RBM20: variants seen among roughly 807,000 people sequenced by gnomAD.
RBM20 encodes RNA-binding protein 20.
RBM20 carries 51 observed loss-of-function variants against 110.1 expected under a neutral mutation model. The observed-to-expected ratio is 0.46, with a 90% CI of 0.37 to 0.59. RBM20 has a LOEUF of 0.59. Ranked by LOEUF, RBM20 falls within the 20% of genes least tolerant of loss-of-function variation. The probability of loss-of-function intolerance (pLI) is 0.00; values close to 1 mark genes in which losing one functional copy is unlikely to be tolerated. For missense variants in RBM20, 1,512 were observed against 1,574.9 expected (o/e 0.96, Z 0.68); for synonymous variants, 589 against 618.2 (o/e 0.95, Z 0.70).
At chr10:110,663,238 G>A (rs559408989) in intron 1 of RBM20, among the ~76,000 whole-genome samples, 10 of 152,088 alleles carry the variant, frequency 6.6e-5, no homozygotes, top group East Asian at 1.9e-4. Context: ...GATTACAGGC[G>A]TGAGCCACCA....
At chr10:110,784,973 C>A in intron 5 of RBM20, 84 bp downstream of exon 5, 1 of 899,830 alleles carries the variant, frequency 1.1e-6, no homozygotes. Flanking sequence ...GACAGCCAGG[C>A]TGGAATGCAA....
intron 1 of RBM20, among the ~76,000 whole-genome samples, chr10:110,650,235 C>T (rs1194010106): frequency 2.0e-5 from 3 of 152,134 alleles, no homozygotes; most frequent in Admixed American, 1.3e-4. Flanking sequence ...CTCTTTACCG[C>T]GGTGGAAGTT....
chr10:110,709,032 TC>T (rs1590629432), intron 1 of RBM20, among the ~76,000 whole-genome samples: 1 of 152,048 alleles, frequency 6.6e-6, no homozygotes, highest in East Asian at 1.9e-4. Context: ...TCTTTGTTTC[TC>T]ATTTCTTTTT....
At chr10:110,666,406 G>T (rs950768055) in intron 1 of RBM20, among the ~76,000 whole-genome samples, 2 of 152,156 alleles carry the variant, frequency 1.3e-5, no homozygotes, top group African/African-American at 4.8e-5. Flanking sequence ...ACTTTGGGAG[G>T]CTGAGGCAGG....
At chr10:110,758,276 C>T (rs924844587) in intron 1 of RBM20, among the ~76,000 whole-genome samples, 13 of 152,024 alleles carry the variant, frequency 8.6e-5, no homozygotes, top group African/African-American at 2.9e-4. Flanking sequence ...CTCAGCCTCT[C>T]AAAGTGTTGG....
At chr10:110,815,341 A>T (rs886280685) in intron 9 of RBM20, among the ~76,000 whole-genome samples, 31 of 152,222 alleles carry the variant, frequency 2.0e-4, no homozygotes, top group African/African-American at 7.0e-4. Context: ...GCCCATTACA[A>T]AGTCTGCCAC....
intron 1 of RBM20, among the ~76,000 whole-genome samples, chr10:110,703,472 C>T (rs11593879): frequency 0.16 from 25,016 of 152,006 alleles, 2,305 homozygotes; most frequent in East Asian, 0.32. Context: ...TTCCCATGTA[C>T]CATTTATCCA....
intron 1 of RBM20, among the ~76,000 whole-genome samples, chr10:110,752,404 C>A (rs1451887153): frequency 6.6e-6 from 1 of 152,106 alleles, no homozygotes; most frequent in African/African-American, 2.4e-5. Flanking sequence ...GAATAATATC[C>A]CATTGTCTGA....
At chr10:110,814,657 G>A (rs11195341) in intron 9 of RBM20, among the ~76,000 whole-genome samples, 9,614 of 152,030 alleles carry the variant, frequency 0.063, 461 homozygotes, top group East Asian at 0.21. Flanking sequence ...CACCACGCCC[G>A]GCTAATTTTT....
intron 5 of RBM20, among the ~76,000 whole-genome samples, chr10:110,797,162 G>A (rs937773112): frequency 3.3e-5 from 5 of 152,120 alleles, no homozygotes; most frequent in Non-Finnish European, 5.9e-5. Flanking sequence ...AAATGGTGGT[G>A]CATGCCTGTG....
At chr10:110,679,430 C>T (rs115300600) in intron 1 of RBM20, among the ~76,000 whole-genome samples, 201 of 152,160 alleles carry the variant, frequency 1.3e-3, no homozygotes, top group African/African-American at 4.5e-3. Flanking sequence ...CTATGTTGCC[C>T]AGGTGATCTC....
intron 5 of RBM20, among the ~76,000 whole-genome samples, chr10:110,787,557 G>C (rs181323439): frequency 1.3e-5 from 2 of 152,278 alleles, no homozygotes; most frequent in African/African-American, 4.8e-5. Flanking sequence ...TAATACCCAG[G>C]GTCACACTTG....
At chr10:110,786,385 C>T (rs1844419080) in intron 5 of RBM20, among the ~76,000 whole-genome samples, 2 of 152,232 alleles carry the variant, frequency 1.3e-5, no homozygotes, top group African/African-American at 4.8e-5. Flanking sequence ...GGCCAGTAAG[C>T]TGTGAAGTGC....
Position 110,780,054 on chromosome 10 carries a change from C to T in RBM20, c.192-747C>T, listed in dbSNP as rs148335876. Among the ~76,000 whole-genome samples, 491 of 151,966 alleles carry T rather than the reference C, an allele frequency of 3.2e-3. 2 individuals are homozygous for T. Among genetic ancestry groups the T allele is most frequent in the African/African-American group, 0.01 (427 of 41,430 alleles). The stretch of plus-strand genomic sequence containing the variant: ...AGATAATGTTTACCATTGGCAATCA[C>T]GGGGAAGGGTGAGGTGGGGGGAGCA... On this transcript the variant is annotated intron_variant, in intron 1 of 13. Transcript: ENST00000369519.
intron 1 of RBM20, among the ~76,000 whole-genome samples, chr10:110,727,062 G>T (rs963626887): frequency 6.6e-6 from 1 of 150,808 alleles, no homozygotes; most frequent in African/African-American, 2.4e-5. Context: ...TGGCCAGGCT[G>T]GTCTCAAACT....
chr10:110,659,795 C>T (rs1453824166), intron 1 of RBM20, among the ~76,000 whole-genome samples: 5 of 144,206 alleles, frequency 3.5e-5, no homozygotes, highest in South Asian at 2.3e-4. Flanking sequence ...CTCTTCCTCC[C>T]GTTCCCCTTC....
At chr10:110,717,886 C>G (rs1843453236) in intron 1 of RBM20, among the ~76,000 whole-genome samples, 1 of 152,194 alleles carries the variant, frequency 6.6e-6, no homozygotes, top group African/African-American at 2.4e-5. Context: ...GAGGGAGGAG[C>G]CTCATTCTCA....
At chr10:110,746,089 G>A (rs1205012328) in intron 1 of RBM20, among the ~76,000 whole-genome samples, 2 of 152,084 alleles carry the variant, frequency 1.3e-5, no homozygotes, top group Non-Finnish European at 2.9e-5. Flanking sequence ...GTAGCGATTC[G>A]GCTGGAATTC....
At chr10:110,796,580 C>A (rs375415590) in intron 5 of RBM20, among the ~76,000 whole-genome samples, 2 of 152,060 alleles carry the variant, frequency 1.3e-5, no homozygotes, top group Admixed American at 6.6e-5. Context: ...CCTGTTTATA[C>A]AAAAAATAAA....
Sources: gnomAD v4.1 joint callset for allele counts (sites outside exome capture counted in the v4.1 genomes callset) on GRCh38, gnomAD v4.1.1 for gene constraint, MANE v1.5 for transcripts, NCBI Gene and HGNC (gene_info 2026-07-23, HGNC 2026-07-21) for gene names.